AKAP13: variants seen among roughly 807,000 people sequenced by gnomAD.
AKAP13 encodes the protein A-kinase anchor protein 13.
In AKAP13, 80 loss-of-function variants were observed where a neutral mutation model predicts 264.5. The ratio of observed to expected loss-of-function variants is 0.30; its 90% confidence interval spans 0.25 to 0.36. The LOEUF (loss-of-function observed/expected upper bound fraction) is 0.36. Ranked by LOEUF, AKAP13 falls within the 10% of genes least tolerant of loss-of-function variation. AKAP13 has a pLI of 1.00. For synonymous variants in AKAP13, 1,380 were observed against 1,250.2 expected, an observed-to-expected ratio of 1.10 and a Z score of -2.19; for missense variants, 3,712 against 3,435.2, an observed-to-expected ratio of 1.08 and a Z score of -2.01.
chr15:85,439,297 A>AAT (rs1381782581), intron 1 of AKAP13, among the ~76,000 whole-genome samples: 8 of 146,104 alleles, frequency 5.5e-5, no homozygotes, highest in African/African-American at 2.0e-4. Flanking sequence ...TTAGAATGGC[A>AAT]ATCATTAAAA....
intron 1 of AKAP13, among the ~76,000 whole-genome samples, chr15:85,483,860 T>G (rs2075436380): frequency 6.6e-6 from 1 of 152,182 alleles, no homozygotes; most frequent in Non-Finnish European, 1.5e-5. Context: ...TTGCAATTTT[T>G]TTTAAAGCTT....
chr15:85,396,418 G>T (rs2071114265), intron 1 of AKAP13, among the ~76,000 whole-genome samples: 1 of 152,178 alleles, frequency 6.6e-6, no homozygotes, highest in South Asian at 2.1e-4. Flanking sequence ...CATGTTCACA[G>T]TAGAACGGTA....
chr15:85,415,128 G>A, intron 1 of AKAP13: 1 of 708,142 alleles, frequency 1.4e-6, no homozygotes. Context: ...CATCCCAGGA[G>A]TTTCAGAGGG....
At chr15:85,439,216 A>G (rs1356048009) in intron 1 of AKAP13, among the ~76,000 whole-genome samples, 7 of 150,974 alleles carry the variant, frequency 4.6e-5, no homozygotes, top group Non-Finnish European at 7.4e-5. Context: ...AACACATGAA[A>G]AAATGCTCAT....
chr15:85,614,925 C>T (rs2080869066), intron 8 of AKAP13, among the ~76,000 whole-genome samples: 1 of 152,176 alleles, frequency 6.6e-6, no homozygotes, highest in Admixed American at 6.5e-5. Flanking sequence ...AATCTTGCTC[C>T]AGAAGACTTG....
chr15:85,619,657 G>T (rs985818430), intron 8 of AKAP13: 86 of 987,806 alleles, frequency 8.7e-5, no homozygotes, highest in Non-Finnish European at 9.9e-5. Flanking sequence ...AGTATATACT[G>T]GATTTTTATT....
intron 4 of AKAP13, among the ~76,000 whole-genome samples, chr15:85,540,871 G>C (rs1050125138): frequency 6.6e-6 from 1 of 152,216 alleles, no homozygotes; most frequent in African/African-American, 2.4e-5. Flanking sequence ...AAAAGAGAAT[G>C]TACTACTGCT....
chr15:85,600,348 C>T (rs1377597752), intron 8 of AKAP13, among the ~76,000 whole-genome samples: 1 of 148,468 alleles, frequency 6.7e-6, no homozygotes, highest in Non-Finnish European at 1.5e-5. Flanking sequence ...GGCTAGCTTA[C>T]TATTCTTCCT....
chr15:85,520,673 T>G (rs1449112398), intron 2 of AKAP13: 2 of 519,006 alleles, frequency 3.9e-6, no homozygotes, highest in Non-Finnish European at 7.7e-6. Flanking sequence ...ATACAAATTA[T>G]TAGAAAAGCA....
chr15:85,556,178 A>G (rs1314948249), intron 5 of AKAP13, among the ~76,000 whole-genome samples: 1 of 152,238 alleles, frequency 6.6e-6, no homozygotes, highest in Non-Finnish European at 1.5e-5. Flanking sequence ...ACATGGAAAT[A>G]CACTGATACC....
At chr15:85,561,283 C>T (rs1265882927) in intron 5 of AKAP13, among the ~76,000 whole-genome samples, 4 of 152,176 alleles carry the variant, frequency 2.6e-5, no homozygotes, top group Non-Finnish European at 4.4e-5. Context: ...GTCTCGAACT[C>T]CTGACCTCAG....
intron 8 of AKAP13, among the ~76,000 whole-genome samples, chr15:85,604,309 A>C (rs1351497413): frequency 6.6e-6 from 1 of 152,158 alleles, no homozygotes; most frequent in Non-Finnish European, 1.5e-5. Flanking sequence ...TTGCAGCTAA[A>C]AATTAGGTGA....
chr15:85,728,687 A>G (rs142869682), intron 29 of AKAP13, among the ~76,000 whole-genome samples: 1 of 152,246 alleles, frequency 6.6e-6, no homozygotes, highest in Non-Finnish European at 1.5e-5. Context: ...AAATTATCTC[A>G]GCACACAAGA....
At chr15:85,689,398 TTC>T (rs1467665365) in intron 16 of AKAP13, among the ~76,000 whole-genome samples, 3 of 152,246 alleles carry the variant, frequency 2.0e-5, no homozygotes, top group Non-Finnish European at 2.9e-5. Context: ...GTCCAGAGTG[TTC>T]TTTTTATTGT....
At chr15:85,732,978 A>G (rs1462949996) in intron 30 of AKAP13, among the ~76,000 whole-genome samples, 1 of 152,174 alleles carries the variant, frequency 6.6e-6, no homozygotes, top group Non-Finnish European at 1.5e-5. Context: ...TGCTGTGTCT[A>G]CGCTGTCAGT....
At chr15:85,469,415 C>A (rs930990126) in intron 1 of AKAP13, among the ~76,000 whole-genome samples, 2 of 152,070 alleles carry the variant, frequency 1.3e-5, no homozygotes, top group African/African-American at 4.8e-5. Flanking sequence ...TTACCTCTTT[C>A]CAGGTAGTTC....
At chr15:85,572,650 C>T (rs975843095) in intron 5 of AKAP13, among the ~76,000 whole-genome samples, 1 of 152,020 alleles carries the variant, frequency 6.6e-6, no homozygotes, top group African/African-American at 2.4e-5. Context: ...ACGTTTTCCA[C>T]TGTAGCATTA....
At chr15:85,637,223 CATTT>C (rs1177199176) in intron 8 of AKAP13, among the ~76,000 whole-genome samples, 1 of 152,274 alleles carries the variant, frequency 6.6e-6, no homozygotes, top group Non-Finnish European at 1.5e-5. Context: ...GTAGAGTTGA[CATTT>C]CTTTCTTAAA....
intron 19 of AKAP13, among the ~76,000 whole-genome samples, chr15:85,713,506 C>T (rs1450870735): frequency 6.7e-6 from 1 of 150,088 alleles, no homozygotes; most frequent in Non-Finnish European, 1.5e-5. Flanking sequence ...AGGTTATGCT[C>T]CAGGCCCTTT....
Sources: gnomAD v4.1 joint callset for allele counts (sites outside exome capture counted in the v4.1 genomes callset) on GRCh38, gnomAD v4.1.1 for gene constraint, MANE v1.5 for transcripts, NCBI Gene and HGNC (gene_info 2026-07-23, HGNC 2026-07-21) for gene names.